Variants in EYS observed in about 807,000 individuals in gnomAD.
EYS encodes protein eyes shut homolog.
Under a neutral mutation model 282.1 loss-of-function variants are expected in EYS, and 250 were observed. The observed-to-expected ratio is 0.89, with a 90% CI of 0.80 to 0.98. EYS has a LOEUF of 0.98. EYS is among the 50% of genes least tolerant of loss of function. The probability of loss-of-function intolerance (pLI) is 0.00; values close to 1 mark genes in which losing one functional copy is unlikely to be tolerated. For synonymous variants in EYS, 1,355 were observed against 1,282.9 expected (o/e 1.06, Z -1.20); for missense variants, 4,016 against 3,709.0 (o/e 1.08, Z -2.15).
At chr6:64,572,620 A>G (rs1203758258) in intron 26 of EYS, among the ~76,000 whole-genome samples, 4 of 152,214 alleles carry the variant, frequency 2.6e-5, no homozygotes, top group Non-Finnish European at 1.5e-5. Context: ...AAGCATTCCT[A>G]TACCCCAATA....
intron 31 of EYS, among the ~76,000 whole-genome samples, chr6:64,183,698 A>G (rs1447526228): frequency 6.6e-6 from 1 of 152,180 alleles, no homozygotes; most frequent in Non-Finnish European, 1.5e-5. Context: ...TTTCTTAACT[A>G]AAGGGAAATG....
chr6:65,353,561 G>C lies in EYS; in HGVS notation c.1356C>G (p.Tyr452Ter), dbSNP rs1453136762. The C allele has an allele frequency of 5.6e-6, 9 of 1,612,888 alleles. No homozygotes were observed. The highest frequency in any genetic ancestry group is 7.6e-6 in the Non-Finnish European group (9 of 1,179,222). Residue 452 changes from tyrosine to a stop codon, truncating the protein, a stop_gained, in exon 9 of 43, where the codon TAC becomes TAG. Coordinates refer to ENST00000503581, the MANE Select transcript of EYS (RefSeq NM_001142800.2). LOFTEE classifies it high-confidence loss of function. ...AGTAGCAGAGGTGTTGATGAATTAGGTAAACATTCTTCAAAAACCAACATG... is the reference window on the plus strand; with the variant it reads ...AGTAGCAGAGGTGTTGATGAATTAGCTAAACATTCTTCAAAAACCAACATG... ...KNPCWFLKNV[Y>*]LIHQHLCYCG...
chr6:64,490,359 T>C (rs995437692), intron 26 of EYS, among the ~76,000 whole-genome samples: 8 of 150,974 alleles, frequency 5.3e-5, no homozygotes, highest in African/African-American at 1.9e-4. Flanking sequence ...TTATAAAATA[T>C]GTCATGGTAG....
At chr6:65,181,499 C>T (rs2150233687) in intron 12 of EYS, among the ~76,000 whole-genome samples, 1 of 152,196 alleles carries the variant, frequency 6.6e-6, no homozygotes. Context: ...AAATCAAAAC[C>T]ATAATGAGAT....
chr6:64,513,478 T>C (rs1777468858), intron 26 of EYS, among the ~76,000 whole-genome samples: 3 of 151,950 alleles, frequency 2.0e-5, no homozygotes, highest in Non-Finnish European at 4.4e-5. Context: ...AAACTTGTAG[T>C]ATCTATTAAC....
In EYS at chr6:63,721,397, G is replaced by A. The variant is rs763174826; in HGVS notation, c.8634C>T (p.Ala2878=). 87 of 1,551,478 alleles carry A rather than the reference G, an allele frequency of 5.6e-5. No individual in the cohort carries two copies. Among genetic ancestry groups the A allele is most frequent in the Non-Finnish European group, 7.6e-5 (87 of 1,146,866 alleles). Residue 2878 remains alanine, a synonymous_variant, in exon 43 of 43, where the codon GCC becomes GCT. Coordinates refer to ENST00000503581, the MANE Select transcript of EYS (RefSeq NM_001142800.2). ...CATTTCTGCATGTGTTGTACCCACA[G>A]GCTGTCCCATCACAGTCACCTACAT... ...GSNVGDCDGT[A]CGYNTCRNGG... is the part of the protein sequence containing the mutation.
chr6:63,956,853 A>T (rs1005163026), intron 35 of EYS, among the ~76,000 whole-genome samples: 1 of 151,578 alleles, frequency 6.6e-6, no homozygotes, highest in Admixed American at 6.6e-5. Flanking sequence ...TGTGACTAAA[A>T]TTTTTTTTTG....
chr6:64,393,632 CA>C (rs1373648072), intron 28 of EYS, among the ~76,000 whole-genome samples: 1 of 151,922 alleles, frequency 6.6e-6, no homozygotes, highest in Non-Finnish European at 1.5e-5. Flanking sequence ...GGTCGTATTT[CA>C]AAATAATAAG....
chr6:64,362,513 C>T (rs1361433091), intron 29 of EYS, among the ~76,000 whole-genome samples: 1 of 151,756 alleles, frequency 6.6e-6, no homozygotes, highest in African/African-American at 2.4e-5. Context: ...AATCTATCCA[C>T]AAATGTCACA....
chr6:65,440,947 G>A (rs1225521405), intron 5 of EYS, among the ~76,000 whole-genome samples: 1 of 146,066 alleles, frequency 6.8e-6, no homozygotes, highest in Non-Finnish European at 1.5e-5. Context: ...GTCTGTATAT[G>A]TATATAAATA....
At chr6:64,503,061 T>C (rs770920218) in intron 26 of EYS, among the ~76,000 whole-genome samples, 3 of 152,256 alleles carry the variant, frequency 2.0e-5, no homozygotes, top group African/African-American at 4.8e-5. Flanking sequence ...TTTATTAGCA[T>C]GAGCTTAAAA....
At chr6:64,786,084 T>G (rs1774006775) in intron 22 of EYS, among the ~76,000 whole-genome samples, 1 of 152,104 alleles carries the variant, frequency 6.6e-6, no homozygotes, top group Non-Finnish European at 1.5e-5. Flanking sequence ...AATGGAATAT[T>G]TTAGAAATTC....
chr6:64,755,066 T>C (rs1465068753), intron 22 of EYS, among the ~76,000 whole-genome samples: 3 of 152,152 alleles, frequency 2.0e-5, no homozygotes, highest in Non-Finnish European at 4.4e-5. Context: ...CGAAGACTCC[T>C]AGATTTGATA....
At chr6:63,911,026 G>C (rs899444193) in intron 35 of EYS, among the ~76,000 whole-genome samples, 6 of 151,476 alleles carry the variant, frequency 4.0e-5, no homozygotes. Context: ...ATCAGTGAGA[G>C]AGAAACAAAC....
At chr6:65,296,850 A>G (rs937976695) in intron 11 of EYS, among the ~76,000 whole-genome samples, 14 of 151,758 alleles carry the variant, frequency 9.2e-5, no homozygotes, top group African/African-American at 3.4e-4. Context: ...ATAGTCTGCA[A>G]TTTATGTAAA....
At chr6:63,845,678 G>C (rs1322755965) in intron 36 of EYS, among the ~76,000 whole-genome samples, 1 of 148,576 alleles carries the variant, frequency 6.7e-6, no homozygotes, top group African/African-American at 2.5e-5. Context: ...TTTGTCTAGG[G>C]GACTTTTTTT....
At chr6:64,397,838 T>A (rs1773426292) in intron 28 of EYS, among the ~76,000 whole-genome samples, 1 of 151,994 alleles carries the variant, frequency 6.6e-6, no homozygotes, top group African/African-American at 2.4e-5. Flanking sequence ...AGGTTTTTAA[T>A]CTAACATGCG....
At chr6:64,912,405 C>A in intron 16 of EYS, 79 bp downstream of exon 16, 1 of 1,319,444 alleles carries the variant, frequency 7.6e-7, no homozygotes, top group Middle Eastern at 1.9e-4. Context: ...TTTAGGAGGC[C>A]ATCATCCCAT....
rs1774296345 is a variant in EYS at position 64,794,556 on chromosome 6, C to T, written c.3443+18822G>A. Among the ~76,000 whole-genome samples the T allele has an allele frequency of 3.3e-5, 5 of 152,236 alleles. No individual in the cohort carries two copies. In the South Asian group the frequency reaches 1.0e-3, roughly 32 times the overall value. On this transcript the variant is annotated intron_variant, in intron 22 of 42. Coordinates refer to ENST00000503581, the MANE Select transcript of EYS (RefSeq NM_001142800.2). ...TGATGGTAAGTTTCCTGTGGCCTCC[C>T]CAGAAGCAGAAGCCTGACCAGAGCC... is the stretch of plus-strand genomic sequence containing the variant.
Sources: allele counts gnomAD v4.1 joint callset (sites outside exome capture counted in the v4.1 genomes callset), GRCh38; gene constraint gnomAD v4.1.1; transcripts MANE v1.5; gene names NCBI Gene and HGNC (gene_info 2026-07-23, HGNC 2026-07-21).